BACH2: variants seen among roughly 807,000 people sequenced by gnomAD.
BACH2 encodes the protein BACH transcriptional regulator 2.
A neutral mutation model predicts 61.8 loss-of-function variants in BACH2; 5 were observed. The observed-to-expected ratio is 0.08, with a 90% CI of 0.04 to 0.17. The LOEUF (loss-of-function observed/expected upper bound fraction) is 0.17. Among genes scored for constraint, BACH2 ranks in the 10% least tolerant of loss-of-function variants. The pLI is 1.00. For synonymous variants in BACH2, 446 were observed against 440.1 expected, an observed-to-expected ratio of 1.01 and a Z score of -0.17; for missense variants, 824 against 1,091.1, an observed-to-expected ratio of 0.76 and a Z score of 3.45.
chr6:90,202,306 G>C (rs888847212), intron 4 of BACH2, among the ~76,000 whole-genome samples: 1 of 152,112 alleles, frequency 6.6e-6, no homozygotes, highest in Non-Finnish European at 1.5e-5. Flanking sequence ...TCCAAATGAA[G>C]GTAGAAACTA....
chr6:90,133,095 C>G (rs1784131975), intron 4 of BACH2, among the ~76,000 whole-genome samples: 1 of 152,292 alleles, frequency 6.6e-6, no homozygotes, highest in African/African-American at 2.4e-5. Flanking sequence ...TAGTTAATTT[C>G]TTGTCTCTTC....
At chr6:90,109,940 G>T (rs1783097125) in intron 4 of BACH2, among the ~76,000 whole-genome samples, 1 of 152,020 alleles carries the variant, frequency 6.6e-6, no homozygotes, top group Non-Finnish European at 1.5e-5. Context: ...TAAAAAAATA[G>T]AATTCATTGT....
In BACH2 at chr6:90,003,181, A is replaced by T. The variant is rs555140695; in HGVS notation, c.243+5421T>A. On this transcript the variant is annotated intron_variant, in intron 6 of 8. Transcript: ENST00000257749. ...GCCAGCTCGTTCCAAAAAAAGACCA[A>T]TCGCTCAGTGAGGTGCACAGTCTGG... Among the ~76,000 whole-genome samples, 153 of 152,264 alleles carry T rather than the reference A, an allele frequency of 1.0e-3. 1 individual carries two copies. The highest frequency in any genetic ancestry group is 3.5e-3 in the African/African-American group (146 of 41,544).
intron 3 of BACH2, among the ~76,000 whole-genome samples, chr6:90,214,044 C>A (rs1337564562): frequency 6.6e-6 from 1 of 152,046 alleles, no homozygotes; most frequent in African/African-American, 2.4e-5. Flanking sequence ...CAGCTTTTTG[C>A]GCACTTTAGA....
At chr6:90,102,878 T>C (rs904751270) in intron 4 of BACH2, among the ~76,000 whole-genome samples, 1 of 146,154 alleles carries the variant, frequency 6.8e-6, no homozygotes, top group East Asian at 2.0e-4. Flanking sequence ...GGACTTCTTA[T>C]GGGCTTTTAT....
intron 5 of BACH2, among the ~76,000 whole-genome samples, chr6:90,078,971 T>G (rs901644160): frequency 6.6e-6 from 1 of 152,128 alleles, no homozygotes; most frequent in Non-Finnish European, 1.5e-5. Flanking sequence ...TTTACAAAGC[T>G]CATCAGACTG....
intron 5 of BACH2, among the ~76,000 whole-genome samples, chr6:90,041,085 C>CT (rs1247811033): frequency 6.6e-6 from 1 of 152,166 alleles, no homozygotes; most frequent in African/African-American, 2.4e-5. Flanking sequence ...ACTGCACAGG[C>CT]TAAGTACGTT....
intron 2 of BACH2, among the ~76,000 whole-genome samples, chr6:90,264,946 T>G (rs1771276435): frequency 6.6e-6 from 1 of 152,204 alleles, no homozygotes; most frequent in African/African-American, 2.4e-5. Flanking sequence ...CTACAAATAT[T>G]CTTAAAAGGC....
intron 6 of BACH2, chr6:89,953,013 C>A (rs938877227): frequency 6.6e-6 from 1 of 152,236 alleles, no homozygotes; most frequent in Admixed American, 6.5e-5. Flanking sequence ...CTGTACAAAT[C>A]AAATGAAAGC....
intron 5 of BACH2, among the ~76,000 whole-genome samples, chr6:90,030,310 C>T (rs1778896969): frequency 6.6e-6 from 1 of 152,094 alleles, no homozygotes; most frequent in African/African-American, 2.4e-5. Context: ...GCGACCACAG[C>T]CCAGGCCTCT....
chr6:90,137,106 C>T (rs1784296046), intron 4 of BACH2, among the ~76,000 whole-genome samples: 1 of 152,102 alleles, frequency 6.6e-6, no homozygotes, highest in African/African-American at 2.4e-5. Context: ...GAACAGACGG[C>T]AAAGCCTGAC....
chr6:90,059,207 AG>A, intron 5 of BACH2, among the ~76,000 whole-genome samples: 1 of 152,362 alleles, frequency 6.6e-6, no homozygotes, highest in Middle Eastern at 3.4e-3. Context: ...ACGGGAGAAA[AG>A]TTTTGCAAGC....
chr6:90,200,756 T>A (rs1408999288), intron 4 of BACH2, among the ~76,000 whole-genome samples: 1 of 152,210 alleles, frequency 6.6e-6, no homozygotes, highest in Non-Finnish European at 1.5e-5. Flanking sequence ...TGGTCAACAT[T>A]CTGGGCAATA....
At chr6:90,100,192 T>C (rs939656790) in intron 4 of BACH2, among the ~76,000 whole-genome samples, 2 of 152,268 alleles carry the variant, frequency 1.3e-5, no homozygotes, top group Non-Finnish European at 2.9e-5. Context: ...GATGGATATT[T>C]GGATTGTTTC....
intron 4 of BACH2, among the ~76,000 whole-genome samples, chr6:90,199,643 CAG>C (rs1768889231): frequency 6.6e-6 from 1 of 152,168 alleles, no homozygotes; most frequent in Non-Finnish European, 1.5e-5. Context: ...CAGGTGGAGA[CAG>C]AGTCTGGAGG....
At chr6:90,278,464 G>C (rs991356358) in intron 1 of BACH2, among the ~76,000 whole-genome samples, 7 of 152,214 alleles carry the variant, frequency 4.6e-5, no homozygotes, top group South Asian at 2.1e-4. Context: ...CCGTCTGTTT[G>C]CAACAGTCTT....
intron 6 of BACH2, among the ~76,000 whole-genome samples, chr6:89,953,747 A>C (rs1344593324): frequency 6.6e-6 from 1 of 152,220 alleles, no homozygotes; most frequent in Non-Finnish European, 1.5e-5. Context: ...TGTGTATGCA[A>C]GGTGACAACA....
chr6:90,062,317 G>A (rs1478954149), intron 5 of BACH2, among the ~76,000 whole-genome samples: 1 of 152,138 alleles, frequency 6.6e-6, no homozygotes, highest in Admixed American at 6.6e-5. Context: ...ATGTCACAAC[G>A]GCTAGTGGTA....
Position 89,976,407 on chromosome 6 carries a change from T to G in BACH2, c.244-24545A>C, listed in dbSNP as rs571740464. Reference sequence around the variant, plus strand: ...GGCAGGGGCAAGCTGCTGCTCTCATTACAGTGGGCTACTAGCAGTCTAAAC... The same window carrying G: ...GGCAGGGGCAAGCTGCTGCTCTCATGACAGTGGGCTACTAGCAGTCTAAAC... On this transcript the variant is annotated intron_variant, in intron 6 of 8. Coordinates refer to ENST00000257749, the MANE Select transcript of BACH2 (RefSeq NM_021813.4). 1.2e-4 allele frequency among the ~76,000 whole-genome samples: 18 copies of G among 152,314 alleles called. No homozygotes were observed. In the South Asian group the frequency reaches 3.7e-3, roughly 32 times the overall value.
Sources: gnomAD v4.1 joint callset for allele counts (sites outside exome capture counted in the v4.1 genomes callset) on GRCh38, gnomAD v4.1.1 for gene constraint, MANE v1.5 for transcripts, NCBI Gene and HGNC (gene_info 2026-07-23, HGNC 2026-07-21) for gene names.